Variants in PRDM10 observed in about 807,000 individuals in gnomAD.
PRDM10 encodes PR/SET domain 10, also known as PR domain zinc finger protein 10.
Under a neutral mutation model 133.1 loss-of-function variants are expected in PRDM10, and 65 were observed. The observed-to-expected ratio is 0.49, with a 90% confidence interval of 0.40 to 0.60. The LOEUF (loss-of-function observed/expected upper bound fraction) is 0.60, where lower values mean the gene tolerates loss of function less well. Ranked by LOEUF, PRDM10 falls within the 20% of genes least tolerant of loss-of-function variation. PRDM10 has a pLI of 0.00. For missense variants in PRDM10, 1,137 were observed against 1,507.1 expected (o/e 0.75, Z 4.07); for synonymous variants, 582 against 580.4 (o/e 1.00, Z -0.04).
chr11:129,939,253 C>T (rs1951131965), intron 7 of PRDM10, among the ~76,000 whole-genome samples: 1 of 152,170 alleles, frequency 6.6e-6, no homozygotes, highest in African/African-American at 2.4e-5. Flanking sequence ...GTCTCAAACA[C>T]AGTAAGAGTT....
chr11:129,909,458 A>G (rs1021589276), intron 19 of PRDM10, among the ~76,000 whole-genome samples: 1 of 152,132 alleles, frequency 6.6e-6, no homozygotes, highest in Non-Finnish European at 1.5e-5. Context: ...TCAAAAAAAA[A>G]AAAAGAATAT....
At chr11:129,951,440 G>A (rs73577227) in intron 4 of PRDM10, among the ~76,000 whole-genome samples, 2,033 of 152,318 alleles carry the variant, frequency 0.013, 39 homozygotes, top group African/African-American at 0.046. Flanking sequence ...CAGGCGGTAG[G>A]TTGGCAAGCA....
rs1005065048 is a variant in PRDM10, at chr11:129,899,948, A to G, written c.*2365T>C. On this transcript the variant is annotated 3_prime_UTR_variant, in exon 21 of 21. Coordinates refer to ENST00000360871, the MANE Select transcript of PRDM10 (RefSeq NM_199437.2). Reference sequence around the variant, plus strand: ...TGAAAGGATACTTCCAAGTCAGAAAACAAGAAGATCAAAACAATAGGTTTT... The same window carrying G: ...TGAAAGGATACTTCCAAGTCAGAAAGCAAGAAGATCAAAACAATAGGTTTT... 6.6e-6 allele frequency: 1 copy of G among 152,654 alleles called. No homozygotes were observed. Among genetic ancestry groups the G allele is most frequent in the African/African-American group, 2.4e-5 (1 of 41,450 alleles). The allele number at this position is 152,654 out of a possible 1,614,324, so 9.5% of individuals were successfully genotyped here.
chr11:129,931,612 GGCTGGAGT>G (rs1950865760), intron 10 of PRDM10, among the ~76,000 whole-genome samples: 1 of 147,522 alleles, frequency 6.8e-6, no homozygotes, highest in African/African-American at 2.5e-5. Flanking sequence ...TCTGTCCCCA[GGCTGGAGT>G]GCAGTGGCGC....
At chr11:129,912,055 C>A in intron 18 of PRDM10, 30 bp downstream of exon 18, 1 of 1,546,180 alleles carries the variant, frequency 6.5e-7, no homozygotes, top group South Asian at 1.2e-5. Context: ...GCCATGATAA[C>A]ACCTCCAAAT....
rs1555113155 is a variant in PRDM10, at chr11:129,977,285, C to CACACACACAT, written c.-118-16204_-118-16203insATGTGTGTGT. 3.3e-5 allele frequency among the ~76,000 whole-genome samples: 5 copies of CACACACACAT among 151,546 alleles called. No individual in the cohort carries two copies. In the Admixed American group the frequency reaches 3.3e-4, roughly 10 times the overall value. On this transcript the variant is annotated intron_variant, in intron 1 of 20. Transcript: ENST00000360871. ...ACACACACACACACACACACACACA[C>CACACACACAT]ACACACACACACACATTGAGATGCA... is the stretch of plus-strand genomic sequence containing the variant.
At chr11:129,944,213 C>A (rs1312892284) in intron 6 of PRDM10, among the ~76,000 whole-genome samples, 14 of 152,128 alleles carry the variant, frequency 9.2e-5, no homozygotes, top group Admixed American at 7.2e-4. Context: ...GTTGTTTGAG[C>A]CTCCCAGTCT....
chr11:129,915,387 A>C (rs1332819403), intron 16 of PRDM10, among the ~76,000 whole-genome samples: 1 of 152,150 alleles, frequency 6.6e-6, no homozygotes, highest in East Asian at 1.9e-4. Context: ...CAAGCACAGA[A>C]CATTCAAACG....
chr11:129,918,394 C>T lies in PRDM10; in HGVS notation c.2214+145G>A. ...AAAGACAGAACTCCAAATTGGGAAT[C>T]GTTTGCCTCTGTTTCTTCCCCTGGA... On this transcript the variant is annotated intron_variant, in intron 14 of 20. Coordinates refer to ENST00000360871, the MANE Select transcript of PRDM10 (RefSeq NM_199437.2). The surrounding 1 kb of genome is among the most constrained non-coding windows in gnomAD (Gnocchi z 5.3). 1.4e-5 allele frequency: 14 copies of T among 971,952 alleles called. No homozygotes were observed. Among genetic ancestry groups the T allele is most frequent in the East Asian group, 3.1e-5 (1 of 32,190 alleles). 60.2% of individuals were successfully genotyped at this position (971,952 alleles called of 1,614,324 possible).
intron 9 of PRDM10, among the ~76,000 whole-genome samples, chr11:129,934,220 A>C (rs777843784): frequency 1.3e-5 from 2 of 152,234 alleles, no homozygotes; most frequent in Non-Finnish European, 2.9e-5. Context: ...AGCTGGAGAA[A>C]ACGCACAGCC....
At position 129,925,191 on chromosome 11, in the gene PRDM10, G is replaced by C. The variant is rs984725026; in HGVS notation, c.1569C>G (p.Phe523Leu). The C allele has an allele frequency of 1.1e-5, 17 of 1,613,372 alleles. No individual in the cohort carries two copies. Among genetic ancestry groups the C allele is most frequent in the Non-Finnish European group, 1.4e-5 (17 of 1,179,778 alleles). Residue 523 changes from phenylalanine (F) to leucine (L), a missense_variant, in exon 12 of 21, where the codon TTC (phenylalanine) becomes TTG (leucine). Phe to Leu is a conservative substitution (Grantham distance 22). This residue lies in a region of PRDM10 where 635 missense variants were observed against 835.2 expected (regional missense o/e 0.76). Coordinates refer to ENST00000360871, the MANE Select transcript of PRDM10 (RefSeq NM_199437.2). The stretch of plus-strand genomic sequence containing the variant: ...CACACTGCAAGCATTTAAAAGGCCG[G>C]AAGGACTTCCGAATAAACAGATGCT... ...ALQHLFIRKS[F>L]RPFKCLQCGK... is the part of the protein sequence containing the mutation.
chr11:129,994,688 G>T (rs971395380), intron 1 of PRDM10, among the ~76,000 whole-genome samples: 2 of 151,962 alleles, frequency 1.3e-5, no homozygotes, highest in Admixed American at 6.5e-5. Flanking sequence ...GCCTCGCTCT[G>T]ACGCCCAGGC....
At chr11:129,986,099 C>A (rs1168578056) in intron 1 of PRDM10, among the ~76,000 whole-genome samples, 1 of 151,034 alleles carries the variant, frequency 6.6e-6, no homozygotes, top group Non-Finnish European at 1.5e-5. Context: ...ATCTCCTCCT[C>A]GCCCTGTGCC....
In PRDM10 at chr11:129,990,111, C is replaced by T. The variant is rs149431146; in HGVS notation, c.-119+12611G>A. ...CTGTAATCCCAGTACTTTGGGAGGC[C>T]GAGGCAGGTGGATCACAAGGTCAGG... On this transcript the variant is annotated intron_variant, in intron 1 of 20. Transcript: ENST00000360871. 3.5e-3 allele frequency among the ~76,000 whole-genome samples: 526 copies of T among 151,306 alleles called. 9 individuals carry two copies. Among genetic ancestry groups the T allele is most frequent in the African/African-American group, 0.012 (492 of 41,208 alleles).
chr11:129,981,896 C>CA (rs1213919642), intron 1 of PRDM10, among the ~76,000 whole-genome samples: 33 of 151,194 alleles, frequency 2.2e-4, no homozygotes, highest in Admixed American at 1.7e-3. Context: ...AATTCCATCT[C>CA]AAAAAAAGTA....
At chr11:129,980,356 C>A (rs1480769751) in intron 1 of PRDM10, among the ~76,000 whole-genome samples, 1 of 152,208 alleles carries the variant, frequency 6.6e-6, no homozygotes, top group Non-Finnish European at 1.5e-5. Flanking sequence ...GGTACCAGTC[C>A]TGTGGCCTAG....
intron 17 of PRDM10, 80 bp from the exon 18 acceptor site, chr11:129,912,305 A>G (rs1326797718): frequency 1.5e-6 from 2 of 1,356,914 alleles, no homozygotes; most frequent in Admixed American, 2.5e-5. Context: ...GAAAAGGTTC[A>G]GTTAAAAACA....
intron 3 of PRDM10, among the ~76,000 whole-genome samples, chr11:129,956,091 T>C (rs1951690985): frequency 6.6e-6 from 1 of 152,136 alleles, no homozygotes; most frequent in South Asian, 2.1e-4. Flanking sequence ...TAATGTTCCA[T>C]GAGTTCTTTT....
At position 129,905,072 on chromosome 11, in the gene PRDM10, C is replaced by T. The variant is rs375870614; in HGVS notation, c.3267+566G>A. 7.8e-4 allele frequency among the ~76,000 whole-genome samples: 119 copies of T among 152,066 alleles called. 1 individual carries two copies. The highest frequency in any genetic ancestry group is 2.7e-3 in the Admixed American group (41 of 15,272). On this transcript the variant is annotated intron_variant, in intron 20 of 20. Coordinates refer to ENST00000360871, the MANE Select transcript of PRDM10 (RefSeq NM_199437.2). ...AATCTTTCCAAGAAGCATATAAAAA[C>T]GCTCATAAGGGCCAGAAGTGGTGGC...
Sources: gnomAD v4.1 joint callset for allele counts (sites outside exome capture counted in the v4.1 genomes callset) on GRCh38, gnomAD v4.1.1 for gene constraint, gnomAD v4.1.1 regional missense constraint, Gnocchi (gnomAD v3.1) non-coding constraint, MANE v1.5 for transcripts, NCBI Gene and HGNC (gene_info 2026-07-23, HGNC 2026-07-21) for gene names.